MIR2052HG: variants seen among roughly 807,000 people sequenced by gnomAD.
MIR2052HG encodes the protein MIR2052 host gene.
chr8:74,676,572 T>C (rs1161786127), intron 2 of MIR2052HG, among the ~76,000 whole-genome samples: 1 of 150,602 alleles, frequency 6.6e-6, no homozygotes, highest in Non-Finnish European at 1.5e-5. Flanking sequence ...AAAAGAAGTA[T>C]AGAAAAAAAA....
chr8:74,639,460 T>C (rs1364049504), intron 2 of MIR2052HG, among the ~76,000 whole-genome samples: 1 of 152,160 alleles, frequency 6.6e-6, no homozygotes, highest in African/African-American at 2.4e-5. Flanking sequence ...AACTCTGCCT[T>C]GAATGGGAAG....
chr8:74,670,599 TTG>T (rs1220225402), intron 2 of MIR2052HG, among the ~76,000 whole-genome samples: 1 of 152,146 alleles, frequency 6.6e-6, no homozygotes, highest in East Asian at 1.9e-4. Context: ...AGAGATGTAT[TTG>T]TGTATATTCT....
At chr8:74,667,041 C>T (rs189989851) in intron 2 of MIR2052HG, among the ~76,000 whole-genome samples, 6 of 152,304 alleles carry the variant, frequency 3.9e-5, no homozygotes, top group Non-Finnish European at 8.8e-5. Flanking sequence ...GGACTGCTCA[C>T]GTGACTGCTG....
intron 2 of MIR2052HG, among the ~76,000 whole-genome samples, chr8:74,630,898 G>C (rs1001060189): frequency 6.6e-6 from 1 of 152,092 alleles, no homozygotes; most frequent in African/African-American, 2.4e-5. Context: ...GTAAAAATGA[G>C]GAAACGAGAG....
rs1274772045 is a variant in MIR2052HG, at chr8:74,741,660, C to T, written n.372-10781C>T. Among the ~76,000 whole-genome samples the T allele has an allele frequency of 2.6e-5, 4 of 152,250 alleles. No homozygotes were observed. In the East Asian group the frequency reaches 7.7e-4, roughly 29 times the overall value. ...TTCTGGATCTACCGTATTGTTTGTT[C>T]ATTAATACTGAACTCACGGCCAACA... On this transcript the variant is annotated intron_variant and non_coding_transcript_variant, in intron 4 of 6. Transcript: ENST00000523442.
chr8:74,610,367 A>T (rs7824069), intron 1 of MIR2052HG, among the ~76,000 whole-genome samples: 1 of 151,638 alleles, frequency 6.6e-6, no homozygotes, highest in Admixed American at 6.6e-5. Context: ...CTGAGAAAAA[A>T]TTTTTAAAAC....
chr8:74,683,344 C>T (rs948880487), intron 2 of MIR2052HG, among the ~76,000 whole-genome samples: 2 of 152,022 alleles, frequency 1.3e-5, no homozygotes, highest in African/African-American at 4.8e-5. Context: ...CACTCTGTAT[C>T]CCTGAATTTC....
At chr8:74,703,970 G>A (rs1370842627) in intron 4 of MIR2052HG, among the ~76,000 whole-genome samples, 1 of 151,984 alleles carries the variant, frequency 6.6e-6, no homozygotes, top group Non-Finnish European at 1.5e-5. Flanking sequence ...ACTATGGATT[G>A]CCTACTTTTG....
At chr8:74,602,877 T>TTTTCTTTCTTTCTTTCTTTCTTTC (rs1808041448) in intron 1 of MIR2052HG, among the ~76,000 whole-genome samples, 23 of 53,754 alleles carry the variant, frequency 4.3e-4, no homozygotes, top group African/African-American at 1.0e-3. Flanking sequence ...TTCTTTCTTT[T>TTTTCTTTCTTTCTTTCTTTCTTTC]TTCTATTCAC....
intron 4 of MIR2052HG, among the ~76,000 whole-genome samples, chr8:74,720,455 A>AAT (rs1205735320): frequency 6.6e-6 from 1 of 152,138 alleles, no homozygotes; most frequent in Non-Finnish European, 1.5e-5. Context: ...AAGTTTTGTT[A>AAT]ATATAGTGGT....
intron 1 of MIR2052HG, chr8:74,603,555 G>T: frequency 1.3e-6 from 2 of 1,534,124 alleles, no homozygotes; most frequent in Non-Finnish European, 1.8e-6. Context: ...AACCTGCACT[G>T]AATCCAGTGT....
At chr8:74,642,786 G>A (rs1039976610) in intron 2 of MIR2052HG, among the ~76,000 whole-genome samples, 5 of 152,038 alleles carry the variant, frequency 3.3e-5, no homozygotes, top group African/African-American at 1.2e-4. Flanking sequence ...AATTGTACAG[G>A]TTAAACAACC....
intron 2 of MIR2052HG, among the ~76,000 whole-genome samples, chr8:74,685,148 A>G (rs188160468): frequency 1.3e-5 from 2 of 152,266 alleles, no homozygotes; most frequent in East Asian, 3.8e-4. Context: ...AGAAGTTGCA[A>G]CTATCATTCT....
At chr8:74,623,595 G>A (rs1028792293) in intron 2 of MIR2052HG, among the ~76,000 whole-genome samples, 6 of 152,158 alleles carry the variant, frequency 3.9e-5, no homozygotes, top group African/African-American at 1.4e-4. Context: ...CTTTTTAAAT[G>A]GCACATCTTT....
intron 2 of MIR2052HG, among the ~76,000 whole-genome samples, chr8:74,697,871 T>A (rs1282265173): frequency 6.6e-6 from 1 of 151,908 alleles, no homozygotes; most frequent in Non-Finnish European, 1.5e-5. Context: ...ACAAACAAAT[T>A]AAAATGCATC....
rs1312508787 is a variant in MIR2052HG, at chr8:74,729,189, T to TC, written n.372-23251dup. ...CATTTTACAGCCACACAAAGAAACT[T>TC]CAACAGCTAAGCTCCTCTGATTTGA... On this transcript the variant is annotated intron_variant and non_coding_transcript_variant, in intron 4 of 6. Coordinates refer to ENST00000523442, the Ensembl canonical transcript of MIR2052HG. 1.2e-4 allele frequency among the ~76,000 whole-genome samples: 19 copies of TC among 152,250 alleles called. No homozygotes were observed. The East Asian group carries it at 3.3e-3, about 26-fold the overall frequency.
chr8:74,644,964 T>A (rs1202982441), intron 2 of MIR2052HG, among the ~76,000 whole-genome samples: 1 of 152,122 alleles, frequency 6.6e-6, no homozygotes. Flanking sequence ...CAACCACTTG[T>A]CTTGGAGCCC....
chr8:74,642,779 T>C (rs1310207114), intron 2 of MIR2052HG, among the ~76,000 whole-genome samples: 2 of 152,156 alleles, frequency 1.3e-5, no homozygotes, highest in Non-Finnish European at 2.9e-5. Context: ...TCTCTGAAAT[T>C]GTACAGGTTA....
At chr8:74,748,054 G>A (rs1344816642) in intron 4 of MIR2052HG, among the ~76,000 whole-genome samples, 1 of 152,120 alleles carries the variant, frequency 6.6e-6, no homozygotes, top group Non-Finnish European at 1.5e-5. Context: ...AACCAAATAA[G>A]TAAATAGGAG....
Sources: allele counts gnomAD v4.1 joint callset (sites outside exome capture counted in the v4.1 genomes callset), GRCh38; gene constraint gnomAD v4.1.1; transcripts MANE v1.5; gene names NCBI Gene and HGNC (gene_info 2026-07-23, HGNC 2026-07-21).